CCDC73: variants seen among roughly 807,000 people sequenced by gnomAD.
CCDC73 encodes coiled-coil domain-containing protein 73.
A neutral mutation model predicts 116.5 loss-of-function variants in CCDC73; 95 were observed. The ratio of observed to expected loss-of-function variants is 0.82; its 90% CI spans 0.69 to 0.97. The LOEUF (loss-of-function observed/expected upper bound fraction) is 0.97. Ranked by LOEUF, CCDC73 falls within the 50% of genes least tolerant of loss-of-function variation. The probability of loss-of-function intolerance (pLI) is 0.00; values close to 1 mark genes in which losing one functional copy is unlikely to be tolerated. For synonymous variants in CCDC73, 398 were observed against 401.3 expected (o/e 0.99, Z 0.10); for missense variants, 1,066 against 1,206.8 (o/e 0.88, Z 1.73).
rs367693675 is a variant in CCDC73 at position 32,629,921 on chromosome 11, C to CAAAAA, written c.1185+5770_1185+5774dup. 1.8e-3 allele frequency among the ~76,000 whole-genome samples: 102 copies of CAAAAA among 55,664 alleles called. 4 individuals are homozygous for CAAAAA. The highest frequency in any genetic ancestry group is 2.4e-3 in the Non-Finnish European group (58 of 24,668). 36.5% of individuals were successfully genotyped at this position (55,664 alleles called of 152,430 possible). A position where few individuals can be genotyped will look rare whatever the true frequency, so the allele number is the denominator to read the frequency against. ...GCTGGAAAGAATTCCAGCAGATATG[C>CAAAAA]AAAAAAAAAAAAACAAAAAAAAAAC... On this transcript the variant is annotated intron_variant, in intron 14 of 17. Transcript: ENST00000335185.
intron 12 of CCDC73, among the ~76,000 whole-genome samples, chr11:32,650,071 T>C (rs1339675656): frequency 6.6e-6 from 1 of 152,178 alleles, no homozygotes; most frequent in Non-Finnish European, 1.5e-5. Flanking sequence ...ATTATATTTA[T>C]AGTCACCATT....
chr11:32,776,227 A>G (rs986704171), intron 1 of CCDC73, among the ~76,000 whole-genome samples: 5 of 152,134 alleles, frequency 3.3e-5, no homozygotes, highest in African/African-American at 1.2e-4. Flanking sequence ...ATTACCTCAG[A>G]CATGAATTAT....
chr11:32,619,975 G>T (rs1487851404), intron 14 of CCDC73, among the ~76,000 whole-genome samples: 2 of 152,088 alleles, frequency 1.3e-5, no homozygotes, highest in Admixed American at 1.3e-4. Flanking sequence ...ATAAAATGCC[G>T]ATGAAAATCT....
chr11:32,732,969 C>T (rs892263849), intron 2 of CCDC73, among the ~76,000 whole-genome samples: 1 of 152,146 alleles, frequency 6.6e-6, no homozygotes, highest in Non-Finnish European at 1.5e-5. Context: ...AAGACACAGA[C>T]TGGCAAATTG....
At chr11:32,770,075 G>C (rs977764838) in intron 1 of CCDC73, among the ~76,000 whole-genome samples, 3 of 152,238 alleles carry the variant, frequency 2.0e-5, no homozygotes, top group Admixed American at 2.0e-4. Context: ...GGACTGGCTG[G>C]GTTGTTTGTC....
At chr11:32,787,097 T>A (rs575093688) in intron 1 of CCDC73, among the ~76,000 whole-genome samples, 1 of 152,204 alleles carries the variant, frequency 6.6e-6, no homozygotes, top group South Asian at 2.1e-4. Flanking sequence ...AATTTTATAA[T>A]CCATGAAAGG....
chr11:32,627,297 G>A (rs1855584696), intron 14 of CCDC73, among the ~76,000 whole-genome samples: 3 of 152,158 alleles, frequency 2.0e-5, no homozygotes, highest in Admixed American at 1.3e-4. Flanking sequence ...TTAGAATGGC[G>A]ATCATTGAAA....
At chr11:32,685,774 T>A (rs2133298142) in intron 6 of CCDC73, among the ~76,000 whole-genome samples, 1 of 138,828 alleles carries the variant, frequency 7.2e-6, no homozygotes, top group East Asian at 2.2e-4. Context: ...CAGGTTGGAG[T>A]GCAGTGGTGC....
chr11:32,796,476 A>G (rs1850728849), upstream of CCDC73, among the ~76,000 whole-genome samples: 1 of 152,202 alleles, frequency 6.6e-6, no homozygotes, highest in Admixed American at 6.5e-5. Context: ...TCCTATTACT[A>G]TGCACTTTTT....
At chr11:32,817,538 C>A in the CCDC73 span, among the ~76,000 whole-genome samples, 2 of 152,286 alleles carry the variant, frequency 1.3e-5, no homozygotes, top group Admixed American at 1.3e-4. Context: ...TTGCCTTGAA[C>A]AGTCTCTGTC....
the CCDC73 span, chr11:32,830,260 A>G: frequency 9.7e-7 from 1 of 1,026,474 alleles, no homozygotes; most frequent in Non-Finnish European, 1.2e-6. Flanking sequence ...TCGAACACAT[A>G]GCGAGGGTTG....
intron 1 of CCDC73, among the ~76,000 whole-genome samples, chr11:32,771,531 G>A (rs1438208220): frequency 6.6e-6 from 1 of 152,138 alleles, no homozygotes; most frequent in Non-Finnish European, 1.5e-5. Context: ...TCATGTCCCT[G>A]TCTCACCACT....
At chr11:32,762,221 TACTAAAAATA>T (rs1252021786) in intron 1 of CCDC73, among the ~76,000 whole-genome samples, 2 of 152,154 alleles carry the variant, frequency 1.3e-5, no homozygotes, top group African/African-American at 2.4e-5. Flanking sequence ...CCAATCCTCC[TACTAAAAATA>T]ACTAAAAATT....
chr11:32,736,959 CATATACATAT>C (rs1850136236), intron 2 of CCDC73, among the ~76,000 whole-genome samples: 2 of 148,752 alleles, frequency 1.3e-5, no homozygotes, highest in African/African-American at 4.9e-5. Flanking sequence ...TATATACACA[CATATACATAT>C]ATATACATAT....
intron 12 of CCDC73, among the ~76,000 whole-genome samples, chr11:32,644,686 A>G (rs1855761328): frequency 6.6e-6 from 1 of 152,168 alleles, no homozygotes; most frequent in African/African-American, 2.4e-5. Context: ...ACATATGTTC[A>G]TGTAACTCCC....
intron 2 of CCDC73, among the ~76,000 whole-genome samples, chr11:32,747,385 G>A (rs996312702): frequency 1.3e-5 from 2 of 152,248 alleles, no homozygotes; most frequent in African/African-American, 4.8e-5. Flanking sequence ...GCTAAAGGGG[G>A]TCAGGGACCC....
intron 6 of CCDC73, among the ~76,000 whole-genome samples, chr11:32,694,970 C>T (rs1039398003): frequency 1.3e-5 from 2 of 152,116 alleles, no homozygotes; most frequent in Non-Finnish European, 2.9e-5. Context: ...CAACTGTTGC[C>T]GTAAGTGACT....
the CCDC73 span, chr11:32,830,143 G>C: frequency 9.9e-7 from 1 of 1,007,562 alleles, no homozygotes. Context: ...TCTGGCCCGG[G>C]GGCTGCTGGA....
chr11:32,634,713 C>G (rs1855662790), intron 14 of CCDC73, among the ~76,000 whole-genome samples: 1 of 152,162 alleles, frequency 6.6e-6, no homozygotes, highest in Admixed American at 6.5e-5. Context: ...GAAAGTAAAA[C>G]TGTCTTAAAC....
Sources: allele counts gnomAD v4.1 joint callset (sites outside exome capture counted in the v4.1 genomes callset), GRCh38; gene constraint gnomAD v4.1.1; transcripts MANE v1.5; gene names NCBI Gene and HGNC (gene_info 2026-07-23, HGNC 2026-07-21).